The following RASA3 variants were observed in gnomAD, a reference collection of about 807,000 sequenced individuals.
RASA3 encodes the protein RAS p21 protein activator 3.
In RASA3, 73 loss-of-function variants were observed where a neutral mutation model predicts 110.0. That is an observed-to-expected ratio of 0.66 (90% CI 0.55 to 0.81). The LOEUF is 0.81. Ranked by LOEUF, RASA3 falls within the 30% of genes least tolerant of loss-of-function variation. The pLI, the probability that RASA3 is intolerant of heterozygous loss-of-function variation, is 0.00. For synonymous variants in RASA3, 500 were observed against 451.4 expected (o/e 1.11, Z -1.37); for missense variants, 976 against 1,113.2 (o/e 0.88, Z 1.75).
rs769801336 is a variant in RASA3 at position 114,132,496 on chromosome 13, C to T, written c.-7G>A. On this transcript the variant is annotated 5_prime_UTR_variant, in exon 1 of 24. Transcript: ENST00000334062. ...CCTCGTCCTCCACCGCCATGCTGCG[C>T]GTCCGCGCCCGCCGAGCCTCGCCCC... is the stretch of plus-strand genomic sequence containing the variant. The T allele has an allele frequency of 3.4e-6, 5 of 1,465,556 alleles. No homozygotes were observed. In the South Asian group the frequency reaches 6.5e-5, roughly 19 times the overall value. 90.8% of individuals were successfully genotyped at this position (1,465,556 alleles called of 1,614,324 possible).
At chr13:113,996,049 G>GAT (rs2053247165) in intron 21 of RASA3, among the ~76,000 whole-genome samples, 2 of 48,338 alleles carry the variant, frequency 4.1e-5, no homozygotes, top group Non-Finnish European at 7.9e-5. Context: ...CCCGGCTGAT[G>GAT]GGGGGGCCCG....
rs2080259234 is a variant in RASA3, at chr13:114,114,994, C to G, written c.55+17441G>C. 6.7e-6 allele frequency among the ~76,000 whole-genome samples: 1 copy of G among 149,742 alleles called. No individual in the cohort carries two copies. The highest frequency in any genetic ancestry group is 6.6e-5 in the Admixed American group (1 of 15,108). Reference sequence around the variant, plus strand: ...GCAGGTTCCCCAGCCCCACCCCCAGCTGTGAGATGCTGCAGGTTCCCCAGC... The same window carrying G: ...GCAGGTTCCCCAGCCCCACCCCCAGGTGTGAGATGCTGCAGGTTCCCCAGC... On this transcript the variant is annotated intron_variant, in intron 1 of 23. Coordinates refer to ENST00000334062, the MANE Select transcript of RASA3 (RefSeq NM_007368.4). This position sits in a 1 kb window ranked among gnomAD's most constrained non-coding sequence, Gnocchi z 4.8.
intron 1 of RASA3, among the ~76,000 whole-genome samples, chr13:114,105,640 C>G (rs1049677516): frequency 1.3e-5 from 2 of 152,246 alleles, no homozygotes; most frequent in African/African-American, 2.4e-5. Flanking sequence ...CTCGCTTCAC[C>G]CAGCCTGAGG....
chr13:114,065,193 G>A lies in RASA3; in HGVS notation c.173+8527C>T, dbSNP rs142789684. ...AGCTGGGACCAGCAGAGAAACCCCC[G>A]CCTTCTCCTCCCTGAGTCACTTCCC... is the stretch of plus-strand genomic sequence containing the variant. On this transcript the variant is annotated intron_variant, in intron 2 of 23. Coordinates refer to ENST00000334062, the MANE Select transcript of RASA3 (RefSeq NM_007368.4). The surrounding 1 kb of genome is among the most constrained non-coding windows in gnomAD (Gnocchi z 4.1). 2.7e-3 allele frequency among the ~76,000 whole-genome samples: 416 copies of A among 152,316 alleles called. No individual in the cohort carries two copies. The highest frequency in any genetic ancestry group is 9.3e-3 in the African/African-American group (388 of 41,584).
intron 1 of RASA3, among the ~76,000 whole-genome samples, chr13:114,095,333 C>T (rs528543763): frequency 2.0e-5 from 3 of 152,138 alleles, no homozygotes; most frequent in Non-Finnish European, 4.4e-5. Context: ...ATAAAACCAT[C>T]ACCACTAACT....
Position 114,065,155 on chromosome 13 carries a change from G to A in RASA3, c.173+8565C>T, listed in dbSNP as rs947608858. Among the ~76,000 whole-genome samples the A allele has an allele frequency of 2.0e-5, 3 of 152,250 alleles. No individual in the cohort carries two copies. ...TGAATTCCTCCTCCTCCTGGAGCCT[G>A]GAGCAGGGGCTCAGCTGGGACCAGC... is the stretch of plus-strand genomic sequence containing the variant. On this transcript the variant is annotated intron_variant, in intron 2 of 23. Transcript: ENST00000334062. This position sits in a 1 kb window ranked among gnomAD's most constrained non-coding sequence, Gnocchi z 4.1.
intron 1 of RASA3, among the ~76,000 whole-genome samples, chr13:114,127,133 AG>A: frequency 6.6e-6 from 1 of 152,264 alleles, no homozygotes; most frequent in East Asian, 1.9e-4. Flanking sequence ...CCACAGCCTC[AG>A]GGAGACGCCG....
intron 1 of RASA3, among the ~76,000 whole-genome samples, chr13:114,097,361 T>C (rs902177025): frequency 6.6e-6 from 1 of 152,244 alleles, no homozygotes; most frequent in Non-Finnish European, 1.5e-5. Flanking sequence ...CTATGCTGTG[T>C]GCATCCCCAC....
In RASA3 at chr13:113,981,812, C is replaced by G. The variant is rs771995715; in HGVS notation, c.2292G>C (p.Glu764Asp). Residue 764 changes from glutamate (E) to aspartate (D), a missense_variant, in exon 23 of 24, where the codon GAG becomes GAC. Around this residue, in one of 4 missense-constraint regions of RASA3, gnomAD observed 132 missense variants for 152.8 expected, o/e 0.86. Transcript: ENST00000334062. Reference sequence around the variant, plus strand: ...GGTCGTCAATGACGAACGTCGAATACTCCTCCTGCTCCGGGCCGTCATACA... The same window carrying G: ...GGTCGTCAATGACGAACGTCGAATAGTCCTCCTGCTCCGGGCCGTCATACA... Reference protein sequence around the residue: ...KSVYDGPEQEEYSTFVIDDPQ... With the variant: ...KSVYDGPEQEDYSTFVIDDPQ... The G allele has an allele frequency of 1.2e-6, 2 of 1,613,896 alleles. No individual in the cohort carries two copies. The highest frequency in any genetic ancestry group is 2.7e-5 in the African/African-American group (2 of 74,912).
At chr13:114,054,946 ATG>A (rs1306141106) in intron 2 of RASA3, among the ~76,000 whole-genome samples, 2 of 151,510 alleles carry the variant, frequency 1.3e-5, no homozygotes, top group African/African-American at 4.9e-5. Flanking sequence ...GCCCACAGGC[ATG>A]TGTGTGTGGG....
At chr13:114,092,086 G>C (rs1405604898) in intron 1 of RASA3, among the ~76,000 whole-genome samples, 1 of 151,478 alleles carries the variant, frequency 6.6e-6, no homozygotes, top group African/African-American at 2.4e-5. Context: ...AGTCTAGCTA[G>C]AGCTTTGTCA....
At chr13:113,983,702 A>G (rs2052986062) in intron 22 of RASA3, among the ~76,000 whole-genome samples, 1 of 86,272 alleles carries the variant, frequency 1.2e-5, no homozygotes, top group East Asian at 3.7e-4. Context: ...GGGAGCAGAG[A>G]AGGAACCGCA....
rs559862196 is a variant in RASA3 at position 114,121,189 on chromosome 13, A to T, written c.55+11246T>A. 6.6e-5 allele frequency among the ~76,000 whole-genome samples: 10 copies of T among 152,376 alleles called. No individual in the cohort carries two copies. In the East Asian group the frequency reaches 1.9e-3, roughly 29 times the overall value. On this transcript the variant is annotated intron_variant, in intron 1 of 23. Transcript: ENST00000334062. ...TTGTGGAAAGTAGAAAGGCAGGTGC[A>T]TCCCAGCACTGCGGCCGGGGGCAGG... is the stretch of plus-strand genomic sequence containing the variant.
chr13:113,993,805 C>CAAAAAAAAA (rs1566450353), intron 21 of RASA3, among the ~76,000 whole-genome samples: 4 of 41,350 alleles, frequency 9.7e-5, no homozygotes, highest in African/African-American at 6.5e-4. Context: ...GAGACTCTGC[C>CAAAAAAAAA]TAAAAAAAAA....
intron 1 of RASA3, among the ~76,000 whole-genome samples, chr13:114,099,280 G>A (rs1013609462): frequency 4.6e-5 from 7 of 152,086 alleles, no homozygotes; most frequent in Non-Finnish European, 7.4e-5. Flanking sequence ...CAAGCCACAG[G>A]CAGCTGCTGA....
intron 1 of RASA3, among the ~76,000 whole-genome samples, chr13:114,107,303 T>C (rs61971969): frequency 0.016 from 2,107 of 131,438 alleles, 128 homozygotes; most frequent in Admixed American, 0.11. Flanking sequence ...TCCTGACCCT[T>C]GCGGGGGACG....
At position 114,056,410 on chromosome 13, in the gene RASA3, G is replaced by A; in HGVS notation, c.174-4255C>T. The stretch of plus-strand genomic sequence containing the variant: ...CACTTCCTCACCACCCTGATGCACA[G>A]GGTGGGAAACCGAGGCACTCCAACA... On this transcript the variant is annotated intron_variant, in intron 2 of 23. Coordinates refer to ENST00000334062, the MANE Select transcript of RASA3 (RefSeq NM_007368.4). The surrounding 1 kb of genome is among the most constrained non-coding windows in gnomAD (Gnocchi z 5.7). 2 of 976,852 alleles carry A rather than the reference G, an allele frequency of 2.0e-6. No individual in the cohort carries two copies. Among genetic ancestry groups the A allele is most frequent in the Non-Finnish European group, 2.4e-6 (2 of 822,120 alleles). The allele number at this position is 976,852 out of a possible 1,614,324, so 60.5% of individuals were successfully genotyped here.
chr13:114,000,963 G>A (rs780172958), intron 18 of RASA3, 31 bp from the exon 19 acceptor site: 8 of 1,491,774 alleles, frequency 5.4e-6, no homozygotes, highest in Admixed American at 3.3e-5. Context: ...GCCGGGGTCC[G>A]GGCCTCAGCT....
intron 7 of RASA3, 78 bp downstream of exon 7, chr13:114,027,311 C>G: frequency 8.2e-7 from 1 of 1,216,744 alleles, no homozygotes; most frequent in Non-Finnish European, 1.2e-6. Flanking sequence ...AGACTGAGAT[C>G]ATTCTGGATC....
Sources: gnomAD v4.1 joint callset for allele counts (sites outside exome capture counted in the v4.1 genomes callset) on GRCh38, gnomAD v4.1.1 for gene constraint, gnomAD v4.1.1 regional missense constraint, Gnocchi (gnomAD v3.1) non-coding constraint, MANE v1.5 for transcripts, NCBI Gene and HGNC (gene_info 2026-07-23, HGNC 2026-07-21) for gene names.